The following PCCA variants were observed in gnomAD, a reference collection of about 807,000 sequenced individuals.
The protein encoded by PCCA is propionyl-CoA carboxylase alpha chain, mitochondrial.
Under a neutral mutation model 101.3 loss-of-function variants are expected in PCCA, and 74 were observed. The observed-to-expected ratio is 0.73, with a 90% CI of 0.61 to 0.89. The LOEUF is 0.89. Among genes scored for constraint, PCCA ranks in the 40% least tolerant of loss-of-function variants. The pLI is 0.00. For synonymous variants in PCCA, 294 were observed against 313.6 expected (o/e 0.94, Z 0.66); for missense variants, 891 against 907.0 (o/e 0.98, Z 0.23).
At chr13:100,513,317 T>G (rs2086617902) in intron 21 of PCCA, among the ~76,000 whole-genome samples, 1 of 152,234 alleles carries the variant, frequency 6.6e-6, no homozygotes, top group Non-Finnish European at 1.5e-5. Context: ...TTGTTATTTT[T>G]TACTTGCTAT....
At chr13:100,484,262 G>A (rs990741838) in intron 21 of PCCA, among the ~76,000 whole-genome samples, 1 of 152,046 alleles carries the variant, frequency 6.6e-6, no homozygotes, top group Non-Finnish European at 1.5e-5. Flanking sequence ...TAAGGACTGT[G>A]TCCCTATTTT....
At chr13:100,416,897 G>A (rs1595821993) in intron 19 of PCCA, among the ~76,000 whole-genome samples, 2 of 152,128 alleles carry the variant, frequency 1.3e-5, no homozygotes, top group South Asian at 4.1e-4. Flanking sequence ...AGGCTGCAGT[G>A]CAATGGCGCG....
chr13:100,477,428 G>C (rs1170132234), intron 21 of PCCA: 1 of 152,174 alleles, frequency 6.6e-6, no homozygotes. Flanking sequence ...TGGAAATTCA[G>C]TGAATAAGAA....
At chr13:100,453,356 C>A (rs1209892419) in intron 21 of PCCA, among the ~76,000 whole-genome samples, 1 of 151,848 alleles carries the variant, frequency 6.6e-6, no homozygotes, top group Admixed American at 6.6e-5. Context: ...CAAAAATTAG[C>A]CAGGCATGGT....
intron 12 of PCCA, among the ~76,000 whole-genome samples, chr13:100,274,229 G>A (rs949536447): frequency 5.3e-5 from 8 of 151,960 alleles, no homozygotes; most frequent in South Asian, 2.1e-4. Context: ...ACTTTTGTTT[G>A]TTTTTTAAAA....
At chr13:100,232,418 T>A (rs2060551815) in intron 7 of PCCA, among the ~76,000 whole-genome samples, 1 of 151,052 alleles carries the variant, frequency 6.6e-6, no homozygotes, top group Non-Finnish European at 1.5e-5. Flanking sequence ...TCTCACTTTA[T>A]TTCCCAGGCA....
chr13:100,214,740 T>C lies in PCCA; in HGVS notation c.600+5277T>C, dbSNP rs141157517. 9.7e-4 allele frequency among the ~76,000 whole-genome samples: 147 copies of C among 152,312 alleles called. 1 individual carries two copies. The highest frequency in any genetic ancestry group is 3.2e-3 in the African/African-American group (134 of 41,580). ...TGAACCTGGCCTATAGTTTTCATTGTAGAGACCTTTCACTTCTTTGGTTAA... is the reference window on the plus strand; with the variant it reads ...TGAACCTGGCCTATAGTTTTCATTGCAGAGACCTTTCACTTCTTTGGTTAA... On this transcript the variant is annotated intron_variant, in intron 7 of 23. Coordinates refer to ENST00000376285, the MANE Select transcript of PCCA (RefSeq NM_000282.4).
At chr13:100,282,415 C>T (rs910382798) in intron 12 of PCCA, among the ~76,000 whole-genome samples, 23 of 152,334 alleles carry the variant, frequency 1.5e-4, no homozygotes, top group South Asian at 2.1e-4. Context: ...AGGCCAGAGC[C>T]GGCTCTCTCA....
intron 22 of PCCA, among the ~76,000 whole-genome samples, chr13:100,519,630 A>T (rs1469202376): frequency 6.6e-6 from 1 of 152,218 alleles, no homozygotes; most frequent in African/African-American, 2.4e-5. Context: ...CAGGCACCCC[A>T]TCCCATCTCA....
chr13:100,348,718 G>A (rs577010737), intron 18 of PCCA, among the ~76,000 whole-genome samples: 20 of 147,472 alleles, frequency 1.4e-4, no homozygotes, highest in Non-Finnish European at 2.7e-4. Flanking sequence ...TTTACTTTCC[G>A]TTTTTTTTCC....
intron 19 of PCCA, among the ~76,000 whole-genome samples, chr13:100,410,784 G>A (rs747717930): frequency 4.6e-5 from 7 of 151,426 alleles, no homozygotes; most frequent in Admixed American, 1.3e-4. Context: ...AGAGAAACTC[G>A]TTTCTTATTA....
chr13:100,469,211 CAA>C (rs534361898), intron 21 of PCCA, among the ~76,000 whole-genome samples: 12 of 65,012 alleles, frequency 1.8e-4, no homozygotes, highest in Middle Eastern at 8.1e-3. Context: ...AACTCCGTCT[CAA>C]AAAAAAAAAA....
At chr13:100,419,186 A>G (rs1262562439) in intron 19 of PCCA, among the ~76,000 whole-genome samples, 2 of 151,846 alleles carry the variant, frequency 1.3e-5, no homozygotes, top group Non-Finnish European at 2.9e-5. Context: ...AGGCTATAGA[A>G]ATTGGCTGGG....
intron 4 of PCCA, among the ~76,000 whole-genome samples, chr13:100,143,728 T>C (rs1457737034): frequency 6.6e-6 from 1 of 151,864 alleles, no homozygotes; most frequent in Admixed American, 6.6e-5. Flanking sequence ...AAAACACTTC[T>C]AGACATTTTT....
In PCCA at chr13:100,273,246, C is replaced by T. The variant is rs143527709; in HGVS notation, c.965C>T (p.Ala322Val). The T allele has an allele frequency of 3.2e-5, 52 of 1,612,054 alleles. No homozygotes were observed. In the African/African-American group the frequency reaches 6.5e-4, roughly 20 times the overall value. Residue 322 changes from alanine to valine, a missense_variant, in exon 12 of 24, where the codon GCT (alanine) becomes GTT (valine). Ala to Val is a moderately conservative substitution (Grantham distance 64, BLOSUM62 0). Coordinates refer to ENST00000376285, the MANE Select transcript of PCCA (RefSeq NM_000282.4). ...TRRAMGEQAV[A>V]LARAVKYSSA... Reference sequence around the variant, plus strand: ...AGAGCGATGGGAGAACAAGCTGTAGCTCTTGCCAGAGCAGTAAAATATTCC... The same window carrying T: ...AGAGCGATGGGAGAACAAGCTGTAGTTCTTGCCAGAGCAGTAAAATATTCC...
At chr13:100,474,538 TGCAGTGGTACAGTCATG>T (rs2083277045) in intron 21 of PCCA, among the ~76,000 whole-genome samples, 1 of 151,792 alleles carries the variant, frequency 6.6e-6, no homozygotes, top group Admixed American at 6.6e-5. Context: ...CAGGCTGGAG[TGCAGTGGTACAGTCATG>T]GCTCACTGCA....
rs1310103429 is a variant in PCCA at position 100,155,036 on chromosome 13, A to T, written c.358A>T (p.Ser120Cys). Residue 120 changes from serine to cysteine, a missense_variant, in exon 5 of 24, where the codon AGC becomes TGC. Physicochemically the swap from Ser to Cys is moderately radical, Grantham distance 112. Transcript: ENST00000376285. ...TGTTGGCCCAGCTCCCACCAGTAAA[A>T]GCTACCTCAACATGGATGCCATCAT... ...VCVGPAPTSK[S>C]YLNMDAIMEA... is the part of the protein sequence containing the mutation. 1.2e-6 allele frequency: 2 copies of T among 1,614,148 alleles called. No individual in the cohort carries two copies. The highest frequency in any genetic ancestry group is 2.2e-5 in the South Asian group (2 of 91,080).
At chr13:100,344,023 C>T (rs1430351017) in intron 18 of PCCA, among the ~76,000 whole-genome samples, 2 of 152,142 alleles carry the variant, frequency 1.3e-5, no homozygotes, top group African/African-American at 2.4e-5. Flanking sequence ...TGCAGTGAGC[C>T]GAGATCACGC....
intron 19 of PCCA, among the ~76,000 whole-genome samples, chr13:100,402,076 T>A (rs1409927724): frequency 6.6e-6 from 1 of 152,086 alleles, no homozygotes; most frequent in Non-Finnish European, 1.5e-5. Flanking sequence ...ATTGTAAAAG[T>A]GCATAATAGA....
Sources: allele counts gnomAD v4.1 joint callset (sites outside exome capture counted in the v4.1 genomes callset), GRCh38; gene constraint gnomAD v4.1.1; transcripts MANE v1.5; gene names NCBI Gene and HGNC (gene_info 2026-07-23, HGNC 2026-07-21).